Variants in LCTL observed in about 807,000 individuals in gnomAD.
LCTL encodes the protein lactase-like protein.
LCTL carries 76 observed loss-of-function variants against 75.8 expected under a neutral mutation model. The ratio of observed to expected loss-of-function variants is 1.00; its 90% CI spans 0.83 to 1.21. LCTL has a LOEUF of 1.21. LCTL is among the 50% of genes most tolerant of loss of function. The pLI is 0.00. For synonymous variants in LCTL, 271 were observed against 268.8 expected (o/e 1.01, Z -0.08); for missense variants, 670 against 712.4 (o/e 0.94, Z 0.68).
At chr15:66,564,999 C>T (rs371101783) in intron 1 of LCTL, among the ~76,000 whole-genome samples, 160 bp from the exon 3 acceptor site, 5 of 152,220 alleles carry the variant, frequency 3.3e-5, no homozygotes, top group Admixed American at 2.0e-4. Flanking sequence ...GCACATGAGG[C>T]ACGGTAGGGG....
chr15:66,555,669 CATAA>C (rs1181898270), intron 8 of LCTL, among the ~76,000 whole-genome samples: 3 of 152,098 alleles, frequency 2.0e-5, no homozygotes, highest in Admixed American at 2.0e-4. Flanking sequence ...AAGAAGCAAA[CATAA>C]ATAGACAAAT....
chr15:66,556,103 A>C (rs891278458), intron 8 of LCTL, among the ~76,000 whole-genome samples: 1 of 152,110 alleles, frequency 6.6e-6, no homozygotes, highest in Non-Finnish European at 1.5e-5. Flanking sequence ...TGCTTCCTTA[A>C]AAAAAAATTA....
intron 4 of LCTL, among the ~76,000 whole-genome samples, chr15:66,562,201 G>A (rs914679586): frequency 6.6e-6 from 1 of 152,038 alleles, no homozygotes; most frequent in Non-Finnish European, 1.5e-5. Flanking sequence ...ACAGGAGTTC[G>A]AGACCAGCCT....
At chr15:66,556,581 A>G (rs1014567384) in intron 8 of LCTL, among the ~76,000 whole-genome samples, 1 of 152,214 alleles carries the variant, frequency 6.6e-6, no homozygotes, top group Non-Finnish European at 1.5e-5. Flanking sequence ...CTGGGATTAC[A>G]GGCTTGAGCC....
intron 8 of LCTL, among the ~76,000 whole-genome samples, chr15:66,557,306 C>A (rs984240432): frequency 1.1e-4 from 16 of 152,288 alleles, no homozygotes; most frequent in African/African-American, 3.4e-4. Context: ...TGTTTATTCT[C>A]TTCTCCAACA....
At chr15:66,562,036 A>T (rs1031667381) in intron 4 of LCTL, among the ~76,000 whole-genome samples, 1 of 151,968 alleles carries the variant, frequency 6.6e-6, no homozygotes, top group Non-Finnish European at 1.5e-5. Context: ...TCCAATCAGA[A>T]CACCCTTTCC....
intron 6 of LCTL, among the ~76,000 whole-genome samples, chr15:66,558,647 G>A (rs189406680): frequency 4.2e-4 from 64 of 151,676 alleles, no homozygotes; most frequent in Non-Finnish European, 8.1e-4. Flanking sequence ...AACTCAAAGC[G>A]GGGCCCAAGA....
chr15:66,552,943 C>G (rs1567058541), intron 9 of LCTL, 41 bp downstream of exon 10: 25 of 1,416,452 alleles, frequency 1.8e-5, no homozygotes, highest in Non-Finnish European at 2.2e-5. Context: ...AACATGAATT[C>G]AAGTCTAAAT....
chr15:66,561,748 A>T (rs1010944551), intron 4 of LCTL, among the ~76,000 whole-genome samples: 6 of 152,154 alleles, frequency 3.9e-5, no homozygotes, highest in Non-Finnish European at 7.4e-5. Context: ...GTTTGAGGGG[A>T]TGTTAATGGG....
chr15:66,557,845 G>C lies in LCTL; in HGVS notation c.799C>G (p.Pro267Ala), dbSNP rs556612938. The C allele has an allele frequency of 2.5e-6, 4 of 1,614,134 alleles. No homozygotes were observed. The highest frequency in any genetic ancestry group is 2.2e-5 in the South Asian group (2 of 91,080). The change falls in exon 8 of 13, where the codon CCT (proline) becomes GCT (alanine). Residue 267 changes from proline to alanine, a missense_variant. Coordinates refer to ENST00000341509, the Ensembl canonical transcript of LCTL. ...TCCTTGGGGTTACTAATGTCCACAGGTTCCCCCCAGTCACAGTTCAATGAA... is the reference window on the plus strand; with the variant it reads ...TCCTTGGGGTTACTAATGTCCACAGCTTCCCCCCAGTCACAGTTCAATGAA...
At chr15:66,547,573 G>A (rs1230900893) in exon 13 of LCTL, 1 of 151,974 alleles carries the variant, frequency 6.6e-6, no homozygotes, top group Non-Finnish European at 1.5e-5. Context: ...AGACGATATT[G>A]AGTTACCTAG....
intron 8 of LCTL, among the ~76,000 whole-genome samples, chr15:66,554,181 C>T (rs1388364677): frequency 6.7e-6 from 1 of 149,780 alleles, no homozygotes; most frequent in Non-Finnish European, 1.5e-5. Flanking sequence ...ATCCCAGCTA[C>T]TTGGGAGGCT....
At position 66,560,992 on chromosome 15, in the gene LCTL, A is replaced by G; in HGVS notation, c.705+14T>C. 2 of 1,612,852 alleles carry G rather than the reference A, an allele frequency of 1.2e-6. No individual in the cohort carries two copies. Among genetic ancestry groups the G allele is most frequent in the Non-Finnish European group, 8.5e-7 (1 of 1,179,486 alleles). ...ACCCTGAGGCTGTTCCTCCACCAGA[A>G]GGACCCACCTCACCTTAATGATGTG... On this transcript the variant is annotated intron_variant, in intron 6 of 12. Transcript: ENST00000341509.
chr15:66,553,158 T>G (rs749475896), exon 9 of LCTL: 2 of 1,611,682 alleles, frequency 1.2e-6, no homozygotes, highest in African/African-American at 2.7e-5. Flanking sequence ...TAAAATGACC[T>G]AATCCCAAGA....
chr15:66,558,002 G>A lies in LCTL; in HGVS notation c.740C>T (p.Thr247Met), dbSNP rs150661473. Residue 247 changes from threonine to methionine, a missense_variant, in exon 7 of 13, where the codon ACG becomes ATG. Physicochemically the swap from Thr to Met is moderately conservative, Grantham distance 81 (BLOSUM62 -1). Coordinates refer to ENST00000341509, the Ensembl canonical transcript of LCTL. ...CTCACCTTGCTGCTTGCTGCGCCAC[G>A]TGGTGTTATAAGAATGCCAGGCTTT... 5.3e-5 allele frequency: 86 copies of A among 1,608,284 alleles called. No individual in the cohort carries two copies. Among genetic ancestry groups the A allele is most frequent in the Non-Finnish European group, 6.5e-5 (77 of 1,175,606 alleles).
At chr15:66,558,740 G>GT (rs2140846095) in intron 6 of LCTL, among the ~76,000 whole-genome samples, 1 of 149,808 alleles carries the variant, frequency 6.7e-6, no homozygotes, top group South Asian at 2.1e-4. Context: ...CTGTGGCCCA[G>GT]GCTGGAGTGC....
chr15:66,551,034 G>A (rs984112825), intron 11 of LCTL, among the ~76,000 whole-genome samples: 14 of 151,848 alleles, frequency 9.2e-5, no homozygotes, highest in African/African-American at 3.4e-4. Context: ...TGAAGAATAG[G>A]TAGTATTTGT....
At chr15:66,562,921 T>C (rs1441722719) in intron 4 of LCTL, among the ~76,000 whole-genome samples, 3 of 152,212 alleles carry the variant, frequency 2.0e-5, no homozygotes, top group Non-Finnish European at 1.5e-5. Flanking sequence ...TTATAGTTTT[T>C]AAAATTTGTT....
At chr15:66,557,656 T>C in intron 8 of LCTL, 66 bp downstream of exon 9, 15 of 1,533,792 alleles carry the variant, frequency 9.8e-6, no homozygotes, top group Non-Finnish European at 1.3e-5. Context: ...CCCTGCCTTT[T>C]GCTTGTTTCA....
Sources: allele counts gnomAD v4.1 joint callset (sites outside exome capture counted in the v4.1 genomes callset), GRCh38; gene constraint gnomAD v4.1.1; transcripts MANE v1.5; gene names NCBI Gene and HGNC (gene_info 2026-07-23, HGNC 2026-07-21).